The following NAA50 variants were observed in gnomAD, a reference collection of about 807,000 sequenced individuals.
NAA50 encodes the protein N-alpha-acetyltransferase 50.
In NAA50, 7 loss-of-function variants were observed where a neutral mutation model predicts 20.7. That is an observed-to-expected ratio of 0.34 (90% CI 0.19 to 0.63). The LOEUF (loss-of-function observed/expected upper bound fraction) is 0.63. NAA50 is among the 30% of genes least tolerant of loss of function. The probability of loss-of-function intolerance (pLI) is 0.75; values close to 1 mark genes in which losing one functional copy is unlikely to be tolerated. For synonymous variants in NAA50, 54 were observed against 70.6 expected (o/e 0.77, Z 1.18); for missense variants, 111 against 199.1 (o/e 0.56, Z 2.66).
At chr3:113,738,936 T>G (rs1708378414) in intron 1 of NAA50, among the ~76,000 whole-genome samples, 1 of 152,162 alleles carries the variant, frequency 6.6e-6, no homozygotes, top group African/African-American at 2.4e-5. Context: ...ACCCCTACTC[T>G]CTAAAGAATA....
chr3:113,733,853 CAAAA>C (rs58431115), intron 1 of NAA50, among the ~76,000 whole-genome samples: 112 of 68,486 alleles, frequency 1.6e-3, no homozygotes, highest in African/African-American at 5.3e-3. Flanking sequence ...ACTCTGTCTC[CAAAA>C]AAAAAAAAAA....
At chr3:113,725,602 T>C (rs890358518) in intron 1 of NAA50, among the ~76,000 whole-genome samples, 2 of 151,896 alleles carry the variant, frequency 1.3e-5, no homozygotes, top group Non-Finnish European at 2.9e-5. Context: ...TTGTAAGAAA[T>C]TTTTTTAAAA....
intron 1 of NAA50, chr3:113,741,272 A>T: frequency 2.6e-6 from 1 of 386,466 alleles, no homozygotes; most frequent in Non-Finnish European, 5.1e-6. Context: ...GGGAAATGGC[A>T]ACTGTGCCAC....
intron 1 of NAA50, among the ~76,000 whole-genome samples, chr3:113,745,392 A>C (rs969408457): frequency 6.6e-6 from 1 of 151,588 alleles, no homozygotes; most frequent in African/African-American, 2.4e-5. Context: ...CCCCTCCTCC[A>C]CTCGCTGTGA....
chr3:113,723,903 G>A, intron 2 of NAA50, 56 bp downstream of exon 2: 25 of 1,446,352 alleles, frequency 1.7e-5, no homozygotes, highest in Admixed American at 2.5e-5. Flanking sequence ...AAAAACTAGG[G>A]TTCAAGAACA....
At chr3:113,744,556 T>G (rs371872385) in intron 1 of NAA50, among the ~76,000 whole-genome samples, 1 of 152,026 alleles carries the variant, frequency 6.6e-6, no homozygotes, top group Non-Finnish European at 1.5e-5. Context: ...GTATCTGAAA[T>G]AGCCAAACTT....
At chr3:113,724,343 G>T (rs1272915571) in intron 1 of NAA50, among the ~76,000 whole-genome samples, 1 of 152,126 alleles carries the variant, frequency 6.6e-6, no homozygotes, top group Admixed American at 6.5e-5. Context: ...ACAAAGGCCA[G>T]AATAACATTC....
intron 1 of NAA50, chr3:113,739,733 A>G (rs1246140748): frequency 6.6e-6 from 1 of 152,228 alleles, no homozygotes; most frequent in Admixed American, 6.5e-5. Flanking sequence ...AAACAGCCAT[A>G]AACTTTCTGT....
Position 113,742,900 on chromosome 3 carries a change from T to C in NAA50, c.8+3042A>G, listed in dbSNP as rs144789783. Among the ~76,000 whole-genome samples the C allele has an allele frequency of 3.4e-3, 525 of 152,328 alleles. 12 individuals are homozygous for C. The South Asian group carries it at 0.064, about 18-fold the overall frequency. ...CTTTCCATTACACTGCCTAATTACATTGCCACCTCAGTCATGGTTATCTGT... is the reference window on the plus strand; with the variant it reads ...CTTTCCATTACACTGCCTAATTACACTGCCACCTCAGTCATGGTTATCTGT... On this transcript the variant is annotated intron_variant, in intron 1 of 4. Coordinates refer to ENST00000240922, the MANE Select transcript of NAA50 (RefSeq NM_025146.4).
At chr3:113,723,189 C>T (rs1286869524) in intron 3 of NAA50, among the ~76,000 whole-genome samples, 8 of 151,974 alleles carry the variant, frequency 5.3e-5, no homozygotes, top group South Asian at 4.2e-4. Context: ...CAAGCACTTC[C>T]GGGTAGAAGA....
At position 113,745,610 on chromosome 3, in the gene NAA50, G is replaced by A. The variant is rs564558794; in HGVS notation, c.8+332C>T. 287 of 341,484 alleles carry A rather than the reference G, an allele frequency of 8.4e-4. 1 individual carries two copies. The highest frequency in any genetic ancestry group is 5.9e-3 in the African/African-American group (274 of 46,708). The allele number at this position is 341,484 out of a possible 1,614,324, so 21.2% of individuals were successfully genotyped here. A position where few individuals can be genotyped will look rare whatever the true frequency, so the allele number is the denominator to read the frequency against. On this transcript the variant is annotated intron_variant, in intron 1 of 4. Coordinates refer to ENST00000240922, the MANE Select transcript of NAA50 (RefSeq NM_025146.4). ...GAGCTGCGGGCCGGCGTGGCTCAGC[G>A]GTCCGCTCCCGGGAAGGAGGCCCCG... is the stretch of plus-strand genomic sequence containing the variant.
intron 1 of NAA50, among the ~76,000 whole-genome samples, chr3:113,744,761 AAAGT>A (rs1708466294): frequency 6.6e-6 from 1 of 152,254 alleles, no homozygotes; most frequent in African/African-American, 2.4e-5. Context: ...AAGGAAAATT[AAAGT>A]AAGGAAACAT....
Position 113,719,732 on chromosome 3 carries a change from G to C in NAA50, c.*2028C>G, listed in dbSNP as rs1310610713. ...CTTAAATAACATGTACTTGTCATGAGGCAGCTATTAGGTTTTCAATAACCA... is the reference window on the plus strand; with the variant it reads ...CTTAAATAACATGTACTTGTCATGACGCAGCTATTAGGTTTTCAATAACCA... On this transcript the variant is annotated 3_prime_UTR_variant, in exon 5 of 5. Transcript: ENST00000240922. 1.3e-5 allele frequency: 2 copies of C among 152,508 alleles called. No homozygotes were observed. Among genetic ancestry groups the C allele is most frequent in the African/African-American group, 2.4e-5 (1 of 41,416 alleles). 9.4% of individuals were successfully genotyped at this position (152,508 alleles called of 1,614,324 possible).
chr3:113,727,348 G>C (rs762224014), intron 1 of NAA50, among the ~76,000 whole-genome samples: 2 of 152,136 alleles, frequency 1.3e-5, no homozygotes. Flanking sequence ...AAGTATAAAT[G>C]AAAGAACTTG....
intron 1 of NAA50, among the ~76,000 whole-genome samples, chr3:113,738,534 C>T (rs1708374151): frequency 6.6e-6 from 1 of 152,192 alleles, no homozygotes; most frequent in Non-Finnish European, 1.5e-5. Flanking sequence ...TCCCCAGATA[C>T]CTACAAAATA....
chr3:113,723,086 T>C (rs1708157492), intron 3 of NAA50, 114 bp from the exon 4 acceptor site: 1 of 1,302,752 alleles, frequency 7.7e-7, no homozygotes, highest in African/African-American at 1.5e-5. Flanking sequence ...TTATGAGGTA[T>C]ACACTAGATA....
At chr3:113,740,935 T>C (rs1708406130) in intron 1 of NAA50, 5 of 506,750 alleles carry the variant, frequency 9.9e-6, no homozygotes, top group Admixed American at 6.5e-5. Context: ...CTAGCGATGG[T>C]AACAGAAGCT....
In NAA50 at chr3:113,720,710, T is replaced by C. The variant is rs114440342; in HGVS notation, c.*1050A>G. ...TGTTATTCTCAAAAATACTATTTTT[T>C]CCTATAAAATCAAATGCTCAGTGGC... On this transcript the variant is annotated 3_prime_UTR_variant, in exon 5 of 5. Coordinates refer to ENST00000240922, the MANE Select transcript of NAA50 (RefSeq NM_025146.4). The C allele has an allele frequency of 7.8e-3, 1,195 of 152,486 alleles. 10 individuals are homozygous for C. The highest frequency in any genetic ancestry group is 0.011 in the Non-Finnish European group (761 of 67,996). The allele number at this position is 152,486 out of a possible 1,614,324, so 9.4% of individuals were successfully genotyped here.
intron 1 of NAA50, among the ~76,000 whole-genome samples, chr3:113,735,779 G>A (rs1387680429): frequency 6.6e-6 from 1 of 152,178 alleles, no homozygotes; most frequent in Admixed American, 6.5e-5. Flanking sequence ...TGCCTCCCAG[G>A]TTCAAGCGAT....
Sources: gnomAD v4.1 joint callset for allele counts (sites outside exome capture counted in the v4.1 genomes callset) on GRCh38, gnomAD v4.1.1 for gene constraint, MANE v1.5 for transcripts, NCBI Gene and HGNC (gene_info 2026-07-23, HGNC 2026-07-21) for gene names.